Variants in PRTG observed in about 807,000 individuals in gnomAD.
PRTG encodes protogenin.
In PRTG, 67 loss-of-function variants were observed where a neutral mutation model predicts 122.5. The observed-to-expected ratio is 0.55, with a 90% CI of 0.45 to 0.67. The LOEUF is 0.67. Among genes scored for constraint, PRTG ranks in the 30% least tolerant of loss-of-function variants. The pLI is 0.00. For synonymous variants in PRTG, 554 were observed against 501.1 expected (o/e 1.11, Z -1.41); for missense variants, 1,435 against 1,415.4 (o/e 1.01, Z -0.22).
At chr15:55,655,955 G>C in intron 11 of PRTG, 1 of 153,278 alleles carries the variant, frequency 6.5e-6, no homozygotes, top group Admixed American at 6.5e-5. Flanking sequence ...TAATGTATTT[G>C]CTTTATTTCT....
intron 2 of PRTG, among the ~76,000 whole-genome samples, chr15:55,723,836 C>G (rs1397285684): frequency 6.7e-6 from 1 of 149,198 alleles, no homozygotes; most frequent in Non-Finnish European, 1.5e-5. Context: ...ACTGCAACCT[C>G]CACCTCCCAG....
At chr15:55,737,928 T>C (rs1312174816) in intron 2 of PRTG, among the ~76,000 whole-genome samples, 1 of 149,958 alleles carries the variant, frequency 6.7e-6, no homozygotes, top group Non-Finnish European at 1.5e-5. Context: ...GAGAACTAGC[T>C]TTAAAAACAA....
intron 13 of PRTG, 129 bp downstream of exon 13, chr15:55,639,513 T>C: frequency 1.4e-6 from 1 of 691,166 alleles, no homozygotes; most frequent in Non-Finnish European, 2.4e-6. Context: ...ACTTCATAAA[T>C]AACTTAAGTC....
intron 3 of PRTG, 47 bp from the exon 4 acceptor site, chr15:55,682,544 TTTTATTTATTTATTTA>T (rs56167837): frequency 5.0e-5 from 24 of 479,196 alleles, no homozygotes; most frequent in African/African-American, 1.6e-4. Flanking sequence ...AGATTTCATA[TTTTATTTATTTATTTA>T]TTTATTTATT....
At chr15:55,738,532 A>G in intron 2 of PRTG, 1 of 701,676 alleles carries the variant, frequency 1.4e-6, no homozygotes, top group Admixed American at 2.0e-5. Flanking sequence ...GTTCCTGAAG[A>G]TGAAAACACA....
intron 14 of PRTG, 110 bp downstream of exon 14, chr15:55,638,439 G>A: frequency 1.5e-6 from 1 of 682,284 alleles, no homozygotes; most frequent in East Asian, 3.1e-5. Flanking sequence ...CATATATCAA[G>A]TGGTAGGTGG....
intron 15 of PRTG, among the ~76,000 whole-genome samples, chr15:55,633,235 C>T (rs2059237551): frequency 6.6e-6 from 1 of 151,638 alleles, no homozygotes; most frequent in East Asian, 1.9e-4. Flanking sequence ...GGGTAAAGGC[C>T]TGTAATCTTT....
At chr15:55,631,632 T>C (rs1365523062) in intron 15 of PRTG, among the ~76,000 whole-genome samples, 4 of 152,214 alleles carry the variant, frequency 2.6e-5, no homozygotes, top group Admixed American at 6.5e-5. Context: ...TCCTGCCTTT[T>C]ATATGTGTCT....
At position 55,680,535 on chromosome 15, in the gene PRTG, A is replaced by G. The variant is rs1042176792; in HGVS notation, c.770T>C (p.Met257Thr). The G allele has an allele frequency of 2.5e-6, 4 of 1,602,856 alleles. No homozygotes were observed. The highest frequency in any genetic ancestry group is 3.4e-6 in the Non-Finnish European group (4 of 1,174,408). ...SLHQTVVLECMATGNPKPIIS... is the reference protein window; with the variant it reads ...SLHQTVVLECTATGNPKPIIS... ...GATTGGTTTGGGATTTCCTGTGGCC[A>G]TGCATTCCAAAACTACAGTCTGATG... The change falls in exon 5 of 20, where the codon ATG becomes ACG. Residue 257 changes from methionine to threonine, a missense_variant. Physicochemically the swap from Met to Thr is moderately conservative, Grantham distance 81. Transcript: ENST00000389286.
chr15:55,629,375 A>ATGTGTGTGTGTGTG (rs59080250), intron 15 of PRTG, among the ~76,000 whole-genome samples: 33 of 47,964 alleles, frequency 6.9e-4, no homozygotes, highest in Admixed American at 3.9e-3. Flanking sequence ...ATATATATAT[A>ATGTGTGTGTGTGTG]TGTGTGTGTG....
At chr15:55,620,374 T>G (rs991609875) in intron 19 of PRTG, 108 bp from the exon 20 acceptor site, 1 of 1,515,102 alleles carries the variant, frequency 6.6e-7, no homozygotes, top group Non-Finnish European at 8.8e-7. Flanking sequence ...GAATTACCCG[T>G]GGCAAGCGAA....
At chr15:55,709,113 T>C (rs1466871148) in intron 2 of PRTG, among the ~76,000 whole-genome samples, 3 of 116,368 alleles carry the variant, frequency 2.6e-5, no homozygotes, top group African/African-American at 1.0e-4. Flanking sequence ...GCCACTGCAC[T>C]CCAGCCTGGG....
rs138411083 is a variant in PRTG at position 55,685,599 on chromosome 15, A to T, written c.398-1668T>A. Among the ~76,000 whole-genome samples the T allele has an allele frequency of 6.6e-5, 10 of 152,262 alleles. No individual in the cohort carries two copies. The East Asian group carries it at 1.7e-3, about 26-fold the overall frequency. ...GTCTTCTATTAAGCTAACTAAAGAG[A>T]TATGCACAAATGTAAAGCAATTCTG... On this transcript the variant is annotated intron_variant, in intron 2 of 19. Transcript: ENST00000389286.
intron 2 of PRTG, among the ~76,000 whole-genome samples, chr15:55,688,378 C>A (rs1192358150): frequency 6.6e-6 from 1 of 150,540 alleles, no homozygotes; most frequent in Non-Finnish European, 1.5e-5. Context: ...GTTCTTTTCT[C>A]TCTCCATGGT....
chr15:55,682,350 A>C lies in PRTG; in HGVS notation c.676+14T>G. On this transcript the variant is annotated intron_variant, in intron 4 of 19. Transcript: ENST00000389286. ...AAAACGTCATAAAAATGGAAAAACC[A>C]CTCTGCGTGGTACCTGGAATCACAG... 6.4e-7 allele frequency: 1 copy of C among 1,559,082 alleles called. No individual in the cohort carries two copies. Among genetic ancestry groups the C allele is most frequent in the Non-Finnish European group, 8.7e-7 (1 of 1,149,754 alleles).
chr15:55,645,350 C>CG (rs2059315229), intron 11 of PRTG, among the ~76,000 whole-genome samples: 1 of 138,504 alleles, frequency 7.2e-6, no homozygotes, highest in Non-Finnish European at 1.5e-5. Flanking sequence ...AGGAGAATGG[C>CG]GTGAACCCGG....
chr15:55,742,623 G>A (rs1292817677), intron 1 of PRTG: 3 of 563,180 alleles, frequency 5.3e-6, no homozygotes, highest in African/African-American at 4.0e-5. Flanking sequence ...AGCTCCCGCA[G>A]CCCTGCCCAA....
chr15:55,628,116 A>T (rs2059205788), intron 16 of PRTG, among the ~76,000 whole-genome samples: 1 of 151,916 alleles, frequency 6.6e-6, no homozygotes, highest in Non-Finnish European at 1.5e-5. Flanking sequence ...TTCTCTTTCT[A>T]ACACACACAC....
At position 55,680,634 on chromosome 15, in the gene PRTG, G is replaced by A; in HGVS notation, c.677-6C>T. On this transcript the variant is annotated splice_region_variant and splice_polypyrimidine_tract_variant and intron_variant, in intron 4 of 19. Coordinates refer to ENST00000389286, the MANE Select transcript of PRTG (RefSeq NM_173814.6). ...GAAGGATTTTGACTCCTTAGCTTTG[G>A]GGAGGAAAAGACAGAATATAAAAAT... 1.3e-6 allele frequency: 2 copies of A among 1,487,146 alleles called. No homozygotes were observed. The highest frequency in any genetic ancestry group is 1.8e-6 in the Non-Finnish European group (2 of 1,112,866). The allele number at this position is 1,487,146 out of a possible 1,614,324, so 92.1% of individuals were successfully genotyped here.
Sources: allele counts gnomAD v4.1 joint callset (sites outside exome capture counted in the v4.1 genomes callset), GRCh38; gene constraint gnomAD v4.1.1; transcripts MANE v1.5; gene names NCBI Gene and HGNC (gene_info 2026-07-23, HGNC 2026-07-21).